The following CALN1 variants were observed in gnomAD, a reference collection of about 807,000 sequenced individuals.
CALN1 encodes the protein calneuron 1.
A neutral mutation model predicts 30.6 loss-of-function variants in CALN1; 17 were observed. That is an observed-to-expected ratio of 0.56 (90% CI 0.38 to 0.83). The LOEUF (loss-of-function observed/expected upper bound fraction) is 0.83. CALN1 is among the 40% of genes least tolerant of loss of function. CALN1 has a pLI of 0.00. For missense variants in CALN1, 291 were observed against 354.9 expected (o/e 0.82, Z 1.45); for synonymous variants, 156 against 131.4 (o/e 1.19, Z -1.28).
At position 72,140,276 on chromosome 7, in the gene CALN1, AAGAG is replaced by A. The variant is rs71069028; in HGVS notation, c.245-33986_245-33983del. 6.2e-3 allele frequency among the ~76,000 whole-genome samples: 744 copies of A among 119,938 alleles called. 7 individuals are homozygous for A. Among genetic ancestry groups the A allele is most frequent in the South Asian group, 0.011 (37 of 3,286 alleles). 78.7% of individuals were successfully genotyped at this position (119,938 alleles called of 152,430 possible). A position where few individuals can be genotyped will look rare whatever the true frequency, so the allele number is the denominator to read the frequency against. ...ACAGAGTGAGACCTTGTCTCAAAATAAGAGAGAGAGAGAGAGAGAGAGAGAGAGA... is the reference window on the plus strand; with the variant it reads ...ACAGAGTGAGACCTTGTCTCAAAATAAGAGAGAGAGAGAGAGAGAGAGAGA... On this transcript the variant is annotated intron_variant, in intron 3 of 6. Coordinates refer to ENST00000395275, the MANE Select transcript of CALN1 (RefSeq NM_031468.4).
At chr7:72,163,470 C>T (rs138699429) in intron 3 of CALN1, among the ~76,000 whole-genome samples, 2,086 of 148,962 alleles carry the variant, frequency 0.014, 23 homozygotes, top group Non-Finnish European at 0.021. Flanking sequence ...CAAGATGACT[C>T]GATATTGAAA....
rs1259241965 is a variant in CALN1 at position 72,273,511 on chromosome 7, TTTTTTTTTTC to T, written c.244+5165_244+5174del. 3.0e-4 allele frequency among the ~76,000 whole-genome samples: 36 copies of T among 121,548 alleles called. No homozygotes were observed. In the East Asian group the frequency reaches 9.8e-3, roughly 33 times the overall value. 79.7% of individuals were successfully genotyped at this position (121,548 alleles called of 152,430 possible). A position where few individuals can be genotyped will look rare whatever the true frequency, so the allele number is the denominator to read the frequency against. On this transcript the variant is annotated intron_variant, in intron 3 of 6. Coordinates refer to ENST00000395275, the MANE Select transcript of CALN1 (RefSeq NM_031468.4). ...GAAGAAGGCAAGATTCTTTTTTTTT[TTTTTTTTTTC>T]TTCCCCCTAGAGACAGGGTCTTTCT...
At chr7:72,349,658 G>T (rs547426792) in intron 2 of CALN1, among the ~76,000 whole-genome samples, 15 of 152,290 alleles carry the variant, frequency 9.8e-5, no homozygotes, top group Middle Eastern at 6.8e-3. Flanking sequence ...GAATTGTCAT[G>T]ACGGTTTTGA....
chr7:72,355,502 G>T (rs1393142908), intron 2 of CALN1, among the ~76,000 whole-genome samples: 1 of 152,038 alleles, frequency 6.6e-6, no homozygotes, highest in African/African-American at 2.4e-5. Context: ...CTCCAGCCTG[G>T]GCAACAGAGT....
intron 5 of CALN1, among the ~76,000 whole-genome samples, chr7:71,846,538 G>GT (rs1198382972): frequency 6.6e-6 from 1 of 151,974 alleles, no homozygotes; most frequent in East Asian, 1.9e-4. Flanking sequence ...GCGCGTGCGT[G>GT]TGTGTGTATA....
intron 5 of CALN1, among the ~76,000 whole-genome samples, chr7:71,887,693 G>A (rs1415596629): frequency 1.3e-5 from 2 of 152,120 alleles, no homozygotes; most frequent in African/African-American, 2.4e-5. Flanking sequence ...CAAAGCAAGA[G>A]GTCATCAAGG....
chr7:72,487,870 AAG>A, the CALN1 span, among the ~76,000 whole-genome samples: 1 of 70,916 alleles, frequency 1.4e-5, no homozygotes, highest in Non-Finnish European at 2.6e-5. Context: ...GAAAGAAAGA[AAG>A]AAAGAAAGAA....
chr7:72,145,300 T>C (rs1008016547), intron 3 of CALN1, among the ~76,000 whole-genome samples: 1 of 152,014 alleles, frequency 6.6e-6, no homozygotes, highest in Non-Finnish European at 1.5e-5. Context: ...TCACCACCGA[T>C]CCCACAGAAA....
intron 3 of CALN1, among the ~76,000 whole-genome samples, chr7:72,221,005 C>T (rs1226234487): frequency 6.6e-6 from 1 of 152,116 alleles, no homozygotes; most frequent in African/African-American, 2.4e-5. Context: ...CCTGTTCACT[C>T]TGATGGTAGT....
intron 4 of CALN1, among the ~76,000 whole-genome samples, chr7:72,069,631 T>A (rs1014901862): frequency 6.6e-6 from 1 of 152,098 alleles, no homozygotes; most frequent in African/African-American, 2.4e-5. Flanking sequence ...GGATGGCAAT[T>A]AGAACCCACC....
At chr7:72,038,725 C>T (rs1801950725) in intron 4 of CALN1, among the ~76,000 whole-genome samples, 1 of 152,150 alleles carries the variant, frequency 6.6e-6, no homozygotes, top group Non-Finnish European at 1.5e-5. Flanking sequence ...AAGATGGCAA[C>T]GAGAGTGACC....
intron 2 of CALN1, among the ~76,000 whole-genome samples, chr7:72,297,102 G>A (rs1018464710): frequency 7.2e-5 from 11 of 152,032 alleles, no homozygotes; most frequent in African/African-American, 1.9e-4. Context: ...CTTTGAATGC[G>A]TCCCAGAGAC....
At chr7:71,868,333 A>G (rs1000194775) in intron 5 of CALN1, among the ~76,000 whole-genome samples, 2 of 151,220 alleles carry the variant, frequency 1.3e-5, no homozygotes, top group African/African-American at 2.4e-5. Flanking sequence ...GACGTCTCAC[A>G]TGGCAGGAAC....
chr7:72,120,899 C>T (rs905872287), intron 3 of CALN1, among the ~76,000 whole-genome samples: 8 of 151,880 alleles, frequency 5.3e-5, no homozygotes, highest in Admixed American at 3.9e-4. Flanking sequence ...GAAAGACACA[C>T]GAGCATCTGA....
chr7:71,799,768 G>A (rs1030003868), intron 6 of CALN1, among the ~76,000 whole-genome samples: 7 of 152,092 alleles, frequency 4.6e-5, no homozygotes, highest in Non-Finnish European at 8.8e-5. Flanking sequence ...GAGCCGCCGC[G>A]CCCAGCTGGG....
intron 5 of CALN1, among the ~76,000 whole-genome samples, chr7:71,898,977 T>A (rs1469272700): frequency 6.6e-6 from 1 of 152,116 alleles, no homozygotes; most frequent in Non-Finnish European, 1.5e-5. Flanking sequence ...TAGAATCATA[T>A]ATCCATAGAA....
chr7:71,882,882 G>GTGTGTGTGTGTGTGTT (rs1792666676), intron 5 of CALN1, among the ~76,000 whole-genome samples: 1 of 149,404 alleles, frequency 6.7e-6, no homozygotes, highest in Non-Finnish European at 1.5e-5. Flanking sequence ...GTGTGTGTGT[G>GTGTGTGTGTGTGTGTT]TGTGTGTGTG....
intron 4 of CALN1, among the ~76,000 whole-genome samples, chr7:72,080,309 G>A (rs1805046380): frequency 6.6e-6 from 1 of 152,072 alleles, no homozygotes; most frequent in African/African-American, 2.4e-5. Flanking sequence ...AGTGGATTTG[G>A]CAGCTGTTCT....
At chr7:72,273,749 G>T (rs2129553653) in intron 3 of CALN1, among the ~76,000 whole-genome samples, 1 of 151,986 alleles carries the variant, frequency 6.6e-6, no homozygotes, top group Non-Finnish European at 1.5e-5. Flanking sequence ...AGGCTCAAGT[G>T]ATCTTCCTGC....
Sources: allele counts gnomAD v4.1 joint callset (sites outside exome capture counted in the v4.1 genomes callset), GRCh38; gene constraint gnomAD v4.1.1; transcripts MANE v1.5; gene names NCBI Gene and HGNC (gene_info 2026-07-23, HGNC 2026-07-21).